Variants in INO80 observed in about 807,000 individuals in gnomAD.
INO80 encodes INO80 complex ATPase subunit, also known as chromatin-remodeling ATPase INO80.
In INO80, 20 loss-of-function variants were observed where a neutral mutation model predicts 203.4. That is an observed-to-expected ratio of 0.10 (90% CI 0.07 to 0.14). INO80 has a LOEUF of 0.14. Ranked by LOEUF, INO80 falls within the 10% of genes least tolerant of loss-of-function variation. The pLI is 1.00. For missense variants in INO80, 1,419 were observed against 1,914.4 expected (o/e 0.74, Z 4.83); for synonymous variants, 726 against 685.2 (o/e 1.06, Z -0.93).
intron 14 of INO80, among the ~76,000 whole-genome samples, chr15:41,060,525 G>T (rs2045084514): frequency 6.6e-6 from 1 of 151,736 alleles, no homozygotes; most frequent in Admixed American, 6.6e-5. Context: ...CTGCACTCCA[G>T]CCTGGGGGAC....
intron 1 of INO80, among the ~76,000 whole-genome samples, chr15:41,099,237 C>CAA (rs71104771): frequency 0.012 from 258 of 21,110 alleles, 40 homozygotes; most frequent in South Asian, 0.031. Flanking sequence ...GACCCTGTCT[C>CAA]AAAAAAAAAA....
intron 34 of INO80, 43 bp from the exon 35 acceptor site, chr15:40,983,120 A>AAAC: frequency 6.9e-7 from 1 of 1,451,836 alleles, no homozygotes; most frequent in African/African-American, 1.4e-5. Context: ...AAAAAAAAAA[A>AAAC]GTCAATCTCC....
intron 30 of INO80, among the ~76,000 whole-genome samples, chr15:40,987,474 C>A (rs1016450085): frequency 2.0e-5 from 3 of 152,160 alleles, no homozygotes; most frequent in African/African-American, 7.2e-5. Context: ...ATTTGGCATA[C>A]AATTCAGAGG....
chr15:41,101,988 G>C (rs1192695567), intron 1 of INO80, among the ~76,000 whole-genome samples: 1 of 151,622 alleles, frequency 6.6e-6, no homozygotes. Flanking sequence ...TCAGGAATTC[G>C]AGACCAACCT....
chr15:41,052,192 A>T (rs1251311656), intron 19 of INO80, among the ~76,000 whole-genome samples: 1 of 151,990 alleles, frequency 6.6e-6, no homozygotes, highest in Non-Finnish European at 1.5e-5. Context: ...CCCTTTAAAT[A>T]TAAATGCATT....
intron 1 of INO80, among the ~76,000 whole-genome samples, chr15:41,105,780 T>C (rs2045871614): frequency 6.6e-6 from 1 of 152,218 alleles, no homozygotes; most frequent in South Asian, 2.1e-4. Flanking sequence ...AACTTTCAGT[T>C]GGTTCCTTTG....
At chr15:40,999,171 G>A (rs1461779171) in intron 28 of INO80, 1 of 152,192 alleles carries the variant, frequency 6.6e-6, no homozygotes, top group Non-Finnish European at 1.5e-5. Context: ...TAAAATCACA[G>A]TGTAAAATTA....
At chr15:41,084,224 G>A (rs2045526703) in intron 7 of INO80, among the ~76,000 whole-genome samples, 1 of 150,368 alleles carries the variant, frequency 6.7e-6, no homozygotes, top group Non-Finnish European at 1.5e-5. Flanking sequence ...CGCTACATAT[G>A]GCATCTGGTT....
Position 40,985,379 on chromosome 15 carries a change from C to T in INO80, c.3880G>A (p.Val1294Met), listed in dbSNP as rs1212613014. 1 of 1,614,088 alleles carries T rather than the reference C, an allele frequency of 6.2e-7. No individual in the cohort carries two copies. The highest frequency in any genetic ancestry group is 1.7e-5 in the Admixed American group (1 of 60,018). ...TCCCGCTTCCGCTTGCGCTCTTTCA[C>T]TCGGTTGGTTTCCTCCTGTTGCCGT... The part of the protein sequence containing the change: ...EKRQQEETNR[V>M]KERKRKREKY... Residue 1294 changes from valine to methionine, a missense_variant, in exon 32 of 36, where the codon GTG becomes ATG. This residue lies in a region of INO80 where 214 missense variants were observed against 248.9 expected (regional missense o/e 0.86). Coordinates refer to ENST00000648947, the MANE Select transcript of INO80 (RefSeq NM_017553.3).
At chr15:41,061,855 C>A (rs1444149823) in intron 14 of INO80, among the ~76,000 whole-genome samples, 1 of 152,024 alleles carries the variant, frequency 6.6e-6, no homozygotes, top group African/African-American at 2.4e-5. Flanking sequence ...AACTAGATGA[C>A]AAGTCAGAAG....
chr15:40,982,277 G>A (rs1201400716), intron 35 of INO80, among the ~76,000 whole-genome samples: 1 of 152,188 alleles, frequency 6.6e-6, no homozygotes, highest in Non-Finnish European at 1.5e-5. Flanking sequence ...CTCCCAAGTA[G>A]CTGGGACTAC....
chr15:41,036,231 CAGAAACAGTGTG>C (rs1304766122), intron 24 of INO80, among the ~76,000 whole-genome samples: 1 of 135,814 alleles, frequency 7.4e-6, no homozygotes, highest in Non-Finnish European at 1.5e-5. Context: ...TCCCAGCCAA[CAGAAACAGTGTG>C]AGATATCAAG....
At chr15:41,115,909 G>C (rs1246599319) in intron 1 of INO80, 64 bp downstream of exon 1, 1 of 381,490 alleles carries the variant, frequency 2.6e-6, no homozygotes, top group Non-Finnish European at 4.6e-6. Flanking sequence ...CGCCCGCAGA[G>C]AGGGGCGCAA....
At chr15:41,045,098 C>T (rs760490618) in intron 23 of INO80, 23 bp from the exon 24 acceptor site, 6 of 1,574,046 alleles carry the variant, frequency 3.8e-6, no homozygotes, top group South Asian at 1.2e-5. Flanking sequence ...ACAGCAGACA[C>T]GCTTATTCAG....
At chr15:41,073,227 T>C (rs979209673) in intron 11 of INO80, among the ~76,000 whole-genome samples, 1 of 152,228 alleles carries the variant, frequency 6.6e-6, no homozygotes, top group African/African-American at 2.4e-5. Flanking sequence ...TTTTTCTGCC[T>C]TTCTTCTAGT....
intron 26 of INO80, chr15:41,019,343 TG>T (rs1160204835): frequency 6.6e-6 from 1 of 152,120 alleles, no homozygotes; most frequent in African/African-American, 2.4e-5. Context: ...CAGAGCACAA[TG>T]GGGTGAGGAG....
At chr15:40,987,734 T>G in intron 30 of INO80, 82 bp downstream of exon 30, 1 of 1,308,144 alleles carries the variant, frequency 7.6e-7, no homozygotes, top group African/African-American at 1.6e-5. Context: ...CAAGAGAGTT[T>G]TAAAATAGTC....
At chr15:41,039,940 AC>A (rs1181558150) in intron 24 of INO80, among the ~76,000 whole-genome samples, 1 of 152,214 alleles carries the variant, frequency 6.6e-6, no homozygotes, top group African/African-American at 2.4e-5. Flanking sequence ...AAAATAGCAT[AC>A]AGACATTGGA....
At chr15:41,065,308 C>T (rs1019642842) in intron 14 of INO80, among the ~76,000 whole-genome samples, 1 of 151,654 alleles carries the variant, frequency 6.6e-6, no homozygotes, top group Admixed American at 6.6e-5. Context: ...TGTGGTGGTA[C>T]ACCCCTGTAG....
Sources: allele counts gnomAD v4.1 joint callset (sites outside exome capture counted in the v4.1 genomes callset), GRCh38; gene constraint gnomAD v4.1.1; regional missense constraint gnomAD v4.1.1; transcripts MANE v1.5; gene names NCBI Gene and HGNC (gene_info 2026-07-23, HGNC 2026-07-21).